KDM7A: variants seen among roughly 807,000 people sequenced by gnomAD.
KDM7A encodes the protein lysine demethylase 7A.
In KDM7A, 28 loss-of-function variants were observed where a neutral mutation model predicts 114.8. The ratio of observed to expected loss-of-function variants is 0.24; its 90% confidence interval spans 0.18 to 0.33. The LOEUF (loss-of-function observed/expected upper bound fraction) is 0.33. Among genes scored for constraint, KDM7A ranks in the 10% least tolerant of loss-of-function variants. The pLI, the probability that KDM7A is intolerant of heterozygous loss-of-function variation, is 1.00. For missense variants in KDM7A, 942 were observed against 1,142.5 expected, an observed-to-expected ratio of 0.82 and a Z score of 2.53; for synonymous variants, 423 against 397.8, an observed-to-expected ratio of 1.06 and a Z score of -0.75.
intron 1 of KDM7A, among the ~76,000 whole-genome samples, chr7:140,163,623 G>C (rs1794543688): frequency 6.6e-6 from 1 of 151,620 alleles, no homozygotes; most frequent in East Asian, 1.9e-4. Flanking sequence ...TTTTCTGTTT[G>C]TTTTTTTAAT....
intron 1 of KDM7A, among the ~76,000 whole-genome samples, chr7:140,171,994 T>C (rs1489940601): frequency 6.6e-6 from 1 of 152,204 alleles, no homozygotes; most frequent in Non-Finnish European, 1.5e-5. Flanking sequence ...GTATGTCTTT[T>C]GGTGGTAATA....
At chr7:140,174,656 A>G (rs1794681834) in intron 1 of KDM7A, among the ~76,000 whole-genome samples, 1 of 152,088 alleles carries the variant, frequency 6.6e-6, no homozygotes, top group Non-Finnish European at 1.5e-5. Context: ...GCTGGAGTGC[A>G]GTGGCGCGAT....
intron 10 of KDM7A, among the ~76,000 whole-genome samples, chr7:140,111,885 C>T (rs979553881): frequency 3.3e-5 from 5 of 150,464 alleles, no homozygotes; most frequent in African/African-American, 1.2e-4. Context: ...GTGGAGGTTG[C>T]AGTGAGCCGA....
rs1423920614 is a variant in KDM7A at position 140,131,538 on chromosome 7, C to G, written c.399-1885G>C. 2.0e-5 allele frequency among the ~76,000 whole-genome samples: 3 copies of G among 152,276 alleles called. No homozygotes were observed. In the East Asian group the frequency reaches 5.8e-4, roughly 29 times the overall value. ...TCGTAAGGCAAGGGCAAGCCTAAGG[C>G]CTAAGAAAACTGAGAGTCCTTTCCT... On this transcript the variant is annotated intron_variant, in intron 3 of 19. Transcript: ENST00000397560.
rs1818494940 is a variant in KDM7A at position 140,114,888 on chromosome 7, CGCCCGG to C, written c.1247-1312_1247-1307del. Among the ~76,000 whole-genome samples, 15 of 110,414 alleles carry C rather than the reference CGCCCGG, an allele frequency of 1.4e-4. No individual in the cohort carries two copies. In the South Asian group the frequency reaches 3.9e-3, roughly 28 times the overall value. 72.4% of individuals were successfully genotyped at this position (110,414 alleles called of 152,430 possible). A position where few individuals can be genotyped will look rare whatever the true frequency, so the allele number is the denominator to read the frequency against. On this transcript the variant is annotated intron_variant, in intron 9 of 19. Coordinates refer to ENST00000397560, the MANE Select transcript of KDM7A (RefSeq NM_030647.2). The stretch of plus-strand genomic sequence containing the variant: ...CCGTCTGAGAAGTGAGGAGCCCCTC[CGCCCGG>C]AAGCCGCCCCGTCTGAGAAGTGAGG...
intron 11 of KDM7A, among the ~76,000 whole-genome samples, chr7:140,106,157 G>T (rs1347845776): frequency 2.0e-5 from 3 of 151,882 alleles, no homozygotes; most frequent in Admixed American, 1.3e-4. Flanking sequence ...ATTTTTTATT[G>T]CATCTATTTG....
At chr7:140,102,245 G>A in intron 11 of KDM7A, 85 bp from the exon 12 acceptor site, 2 of 1,025,008 alleles carry the variant, frequency 2.0e-6, no homozygotes, top group Non-Finnish European at 3.0e-6. Context: ...AAATATTTCA[G>A]AAAACAAAAA....
intron 1 of KDM7A, among the ~76,000 whole-genome samples, chr7:140,143,309 A>T (rs1394111987): frequency 6.6e-6 from 1 of 152,136 alleles, no homozygotes; most frequent in African/African-American, 2.4e-5. Flanking sequence ...AACAAGGAAG[A>T]GATGGATCTT....
At chr7:140,169,041 T>C (rs1650461329) in intron 1 of KDM7A, among the ~76,000 whole-genome samples, 1 of 152,182 alleles carries the variant, frequency 6.6e-6, no homozygotes, top group Admixed American at 6.5e-5. Flanking sequence ...AGCTCTGTCC[T>C]CTGAGAAGGC....
chr7:140,103,175 C>T (rs555368318), intron 11 of KDM7A, among the ~76,000 whole-genome samples: 1 of 152,186 alleles, frequency 6.6e-6, no homozygotes, highest in African/African-American at 2.4e-5. Context: ...CTTGCATTCT[C>T]TATGAATTTG....
chr7:140,147,571 C>T (rs773474274), intron 1 of KDM7A, among the ~76,000 whole-genome samples: 8 of 152,148 alleles, frequency 5.3e-5, no homozygotes, highest in Non-Finnish European at 1.2e-4. Context: ...TCATTTTCTT[C>T]ACTGTGACAT....
chr7:140,104,464 A>T (rs528605390), intron 11 of KDM7A, among the ~76,000 whole-genome samples: 35 of 152,332 alleles, frequency 2.3e-4, no homozygotes, highest in African/African-American at 8.2e-4. Context: ...TCTTTAATCC[A>T]TCTTGAACTA....
intron 2 of KDM7A, among the ~76,000 whole-genome samples, chr7:140,137,042 A>G (rs953722638): frequency 9.2e-5 from 14 of 151,992 alleles, no homozygotes; most frequent in African/African-American, 3.4e-4. Context: ...TAGCAGAGGG[A>G]AAGGGATCAA....
chr7:140,117,702 G>A (rs2116785698), intron 9 of KDM7A, among the ~76,000 whole-genome samples: 1 of 152,280 alleles, frequency 6.6e-6, no homozygotes, highest in East Asian at 1.9e-4. Context: ...ACTTAAATGG[G>A]AGACTATAAA....
At chr7:140,118,965 G>A in intron 9 of KDM7A, 148 bp downstream of exon 9, 1 of 522,338 alleles carries the variant, frequency 1.9e-6, no homozygotes. Context: ...AAAGGTTGCT[G>A]GATGGGGGAA....
Position 140,098,971 on chromosome 7 carries a change from T to C in KDM7A, c.1826A>G (p.Asp609Gly). The C allele has an allele frequency of 1.2e-6, 2 of 1,613,432 alleles. No individual in the cohort carries two copies. The highest frequency in any genetic ancestry group is 8.5e-7 in the Non-Finnish European group (1 of 1,179,434). The part of the protein sequence containing the change: ...LYTADSENEE[D>G]KRRTKKAKMK... ...TTTTGCCTTTTTTGTCCTTCTTTTA[T>C]CCTCTTCATTTTCACTATCTGCTGT... The change falls in exon 14 of 20, where the codon GAT becomes GGT. Residue 609 changes from aspartate to glycine, a missense_variant. Asp to Gly is a moderately conservative substitution (Grantham distance 94). Around this residue, in one of 4 missense-constraint regions of KDM7A, gnomAD observed 512 missense variants for 576.6 expected, o/e 0.89. Transcript: ENST00000397560.
At chr7:140,165,683 T>C (rs999918378) in intron 1 of KDM7A, among the ~76,000 whole-genome samples, 7 of 152,132 alleles carry the variant, frequency 4.6e-5, no homozygotes, top group Admixed American at 1.3e-4. Context: ...CTCTGAGTTA[T>C]GAGATCAACT....
chr7:140,124,545 G>A, intron 7 of KDM7A, 76 bp downstream of exon 7: 1 of 1,011,594 alleles, frequency 9.9e-7, no homozygotes, highest in Non-Finnish European at 1.4e-6. Context: ...ACATGTTAAA[G>A]CCAGAGGTTC....
chr7:140,136,785 G>A (rs746793543), intron 2 of KDM7A, among the ~76,000 whole-genome samples: 13 of 152,090 alleles, frequency 8.5e-5, no homozygotes, highest in Non-Finnish European at 1.6e-4. Flanking sequence ...AGGCCGAGGC[G>A]AGACCAGCCT....
Sources: allele counts gnomAD v4.1 joint callset (sites outside exome capture counted in the v4.1 genomes callset), GRCh38; gene constraint gnomAD v4.1.1; regional missense constraint gnomAD v4.1.1; transcripts MANE v1.5; gene names NCBI Gene and HGNC (gene_info 2026-07-23, HGNC 2026-07-21).